Variants in SPOCK1 observed in about 807,000 individuals in gnomAD.
The protein encoded by SPOCK1 is SPARC (osteonectin), cwcv and kazal like domains proteoglycan 1, also known as testican-1.
A neutral mutation model predicts 55.3 loss-of-function variants in SPOCK1; 23 were observed. The ratio of observed to expected loss-of-function variants is 0.42; its 90% CI spans 0.30 to 0.59. The LOEUF (loss-of-function observed/expected upper bound fraction) is 0.59. Among genes scored for constraint, SPOCK1 ranks in the 20% least tolerant of loss-of-function variants. SPOCK1 has a pLI of 0.22. For synonymous variants in SPOCK1, 226 were observed against 221.0 expected, an observed-to-expected ratio of 1.02 and a Z score of -0.20; for missense variants, 499 against 552.5, an observed-to-expected ratio of 0.90 and a Z score of 0.97.
chr5:137,167,709 T>G (rs1412249696), intron 3 of SPOCK1, among the ~76,000 whole-genome samples: 1 of 152,050 alleles, frequency 6.6e-6, no homozygotes, highest in Non-Finnish European at 1.5e-5. Flanking sequence ...AATACGCTCC[T>G]GAATGACCAG....
chr5:137,397,909 G>A (rs1751890938), intron 2 of SPOCK1, among the ~76,000 whole-genome samples: 1 of 152,140 alleles, frequency 6.6e-6, no homozygotes, highest in South Asian at 2.1e-4. Flanking sequence ...GCATATACTT[G>A]ATGCTTAGTA....
chr5:137,470,493 G>A (rs968884941), intron 2 of SPOCK1, among the ~76,000 whole-genome samples: 2 of 152,148 alleles, frequency 1.3e-5, no homozygotes, highest in African/African-American at 4.8e-5. Context: ...GACAGAGGTA[G>A]AGGAGGCTAC....
chr5:137,005,241 T>C (rs1427276054), intron 6 of SPOCK1, among the ~76,000 whole-genome samples: 1 of 152,144 alleles, frequency 6.6e-6, no homozygotes, highest in African/African-American at 2.4e-5. Context: ...TCTATAAAGA[T>C]AGCCTGGTTC....
At chr5:137,100,071 C>T (rs1753233122) in intron 5 of SPOCK1, among the ~76,000 whole-genome samples, 2 of 152,124 alleles carry the variant, frequency 1.3e-5, no homozygotes, top group Admixed American at 6.5e-5. Flanking sequence ...TATCATACGG[C>T]TGGATTTCCA....
chr5:137,097,493 C>A (rs931185883), intron 5 of SPOCK1, among the ~76,000 whole-genome samples: 1 of 152,192 alleles, frequency 6.6e-6, no homozygotes, highest in Non-Finnish European at 1.5e-5. Flanking sequence ...CCTGCCTCAG[C>A]ATCCTGTACA....
chr5:137,408,638 AC>A (rs1752148291), intron 2 of SPOCK1, among the ~76,000 whole-genome samples: 1 of 152,160 alleles, frequency 6.6e-6, no homozygotes, highest in Non-Finnish European at 1.5e-5. Context: ...GAACATGTTT[AC>A]CCTCTCTGGA....
chr5:137,281,542 G>C (rs1757166202), intron 2 of SPOCK1, among the ~76,000 whole-genome samples: 2 of 152,220 alleles, frequency 1.3e-5, no homozygotes, highest in South Asian at 4.1e-4. Flanking sequence ...AAATAAGCAA[G>C]GAGTGACCCT....
intron 2 of SPOCK1, among the ~76,000 whole-genome samples, chr5:137,318,972 T>C (rs1388519541): frequency 6.6e-6 from 1 of 152,248 alleles, no homozygotes; most frequent in Non-Finnish European, 1.5e-5. Context: ...GATGTCATTC[T>C]ATCCAGGGCA....
At chr5:137,422,536 G>C (rs1014459023) in intron 2 of SPOCK1, among the ~76,000 whole-genome samples, 3 of 151,896 alleles carry the variant, frequency 2.0e-5, no homozygotes, top group African/African-American at 7.3e-5. Context: ...TCATTCATTT[G>C]ATCTTCCATC....
Position 137,207,288 on chromosome 5 carries a change from C to T in SPOCK1, c.232+59722G>A, listed in dbSNP as rs1337595590. On this transcript the variant is annotated intron_variant, in intron 3 of 10. Transcript: ENST00000394945. Reference sequence around the variant, plus strand: ...TGAGCACCTGCAGGCCTGGAACAGGCCCACCAGCAGGGAGCCTTTTCAGTG... The same window carrying T: ...TGAGCACCTGCAGGCCTGGAACAGGTCCACCAGCAGGGAGCCTTTTCAGTG... Among the ~76,000 whole-genome samples, 5 of 152,382 alleles carry T rather than the reference C, an allele frequency of 3.3e-5. No individual in the cohort carries two copies. The East Asian group carries it at 7.7e-4, about 24-fold the overall frequency.
At chr5:137,396,239 T>G (rs1242849489) in intron 2 of SPOCK1, among the ~76,000 whole-genome samples, 2 of 152,220 alleles carry the variant, frequency 1.3e-5, no homozygotes, top group African/African-American at 4.8e-5. Context: ...TGAGTATTTC[T>G]TAACGAGAAG....
chr5:136,996,523 C>T (rs781207633), intron 6 of SPOCK1, among the ~76,000 whole-genome samples: 1 of 152,140 alleles, frequency 6.6e-6, no homozygotes, highest in Non-Finnish European at 1.5e-5. Context: ...TTCCCTCCCG[C>T]CCTCCATCCT....
chr5:137,419,739 A>G (rs1752441660), intron 2 of SPOCK1, among the ~76,000 whole-genome samples: 1 of 152,184 alleles, frequency 6.6e-6, no homozygotes, highest in Non-Finnish European at 1.5e-5. Context: ...CAATCATGTC[A>G]TCTGCAAACA....
At chr5:137,158,303 T>C (rs1242397057) in intron 3 of SPOCK1, among the ~76,000 whole-genome samples, 1 of 152,176 alleles carries the variant, frequency 6.6e-6, no homozygotes, top group African/African-American at 2.4e-5. Flanking sequence ...GGCCTCCCCT[T>C]AGTCCTTTCA....
chr5:137,181,178 A>G (rs541761227), intron 3 of SPOCK1, among the ~76,000 whole-genome samples: 125 of 152,360 alleles, frequency 8.2e-4, no homozygotes, highest in African/African-American at 2.9e-3. Flanking sequence ...CGAAGAACAT[A>G]CAAGATTTCC....
intron 3 of SPOCK1, among the ~76,000 whole-genome samples, chr5:137,204,228 ATTTTT>A (rs58707746): frequency 6.6e-6 from 1 of 152,100 alleles, no homozygotes; most frequent in African/African-American, 2.4e-5. Flanking sequence ...TGCTAATATT[ATTTTT>A]TTATTTTGTT....
At chr5:137,327,197 TGCACAG>T (rs1758097116) in intron 2 of SPOCK1, among the ~76,000 whole-genome samples, 1 of 152,206 alleles carries the variant, frequency 6.6e-6, no homozygotes, top group Non-Finnish European at 1.5e-5. Flanking sequence ...GAGTGTCTGC[TGCACAG>T]GGTAGCTTTG....
intron 3 of SPOCK1, among the ~76,000 whole-genome samples, chr5:137,147,538 T>A (rs895737556): frequency 6.6e-6 from 1 of 152,180 alleles, no homozygotes; most frequent in African/African-American, 2.4e-5. Flanking sequence ...AGCCAGCTTT[T>A]TGCTACGTCC....
At chr5:137,064,115 C>T (rs1431675993) in intron 6 of SPOCK1, among the ~76,000 whole-genome samples, 1 of 152,076 alleles carries the variant, frequency 6.6e-6, no homozygotes, top group Non-Finnish European at 1.5e-5. Flanking sequence ...TGAGAATGAA[C>T]ACCACTGGCC....
Sources: allele counts gnomAD v4.1 joint callset (sites outside exome capture counted in the v4.1 genomes callset), GRCh38; gene constraint gnomAD v4.1.1; transcripts MANE v1.5; gene names NCBI Gene and HGNC (gene_info 2026-07-23, HGNC 2026-07-21).